PTBP2: variants seen among roughly 807,000 people sequenced by gnomAD.
The protein encoded by PTBP2 is polypyrimidine tract binding protein 2, also known as polypyrimidine tract-binding protein 2.
PTBP2 carries 13 observed loss-of-function variants against 61.4 expected under a neutral mutation model. That is an observed-to-expected ratio of 0.21 (90% confidence interval 0.14 to 0.34). PTBP2 has a LOEUF of 0.34. PTBP2 is among the 10% of genes least tolerant of loss of function. The probability of loss-of-function intolerance (pLI) is 1.00; values close to 1 mark genes in which losing one functional copy is unlikely to be tolerated. For synonymous variants in PTBP2, 215 were observed against 218.5 expected (o/e 0.98, Z 0.14); for missense variants, 405 against 642.6 (o/e 0.63, Z 4.00).
At chr1:96,781,154 T>C (rs1489932975) in intron 7 of PTBP2, among the ~76,000 whole-genome samples, 4 of 152,058 alleles carry the variant, frequency 2.6e-5, no homozygotes, top group African/African-American at 9.7e-5. Context: ...CAGAGTAGCC[T>C]GGGCTTCTGG....
At chr1:96,774,523 A>G (rs1319571401) in intron 5 of PTBP2, among the ~76,000 whole-genome samples, 1 of 152,196 alleles carries the variant, frequency 6.6e-6, no homozygotes, top group East Asian at 1.9e-4. Flanking sequence ...AGACATGCAA[A>G]TGAGTATGCA....
intron 2 of PTBP2, among the ~76,000 whole-genome samples, chr1:96,730,617 T>C (rs1418590336): frequency 1.3e-5 from 2 of 152,178 alleles, no homozygotes; most frequent in African/African-American, 4.8e-5. Context: ...CAAATATATA[T>C]GTTGTTAAGT....
chr1:96,756,198 A>C (rs1158471465), intron 3 of PTBP2, among the ~76,000 whole-genome samples: 4 of 152,228 alleles, frequency 2.6e-5, no homozygotes, highest in African/African-American at 9.6e-5. Flanking sequence ...CAGAAGTTCA[A>C]AACCAGCCTG....
At chr1:96,785,729 A>G (rs1240689622) in intron 8 of PTBP2, among the ~76,000 whole-genome samples, 1 of 152,148 alleles carries the variant, frequency 6.6e-6, no homozygotes, top group Non-Finnish European at 1.5e-5. Flanking sequence ...TTTTTTTTGA[A>G]GCATATTGTA....
At chr1:96,795,803 G>T (rs536078910) in intron 8 of PTBP2, among the ~76,000 whole-genome samples, 10 of 152,142 alleles carry the variant, frequency 6.6e-5, no homozygotes, top group African/African-American at 9.7e-5. Context: ...GGACCCAGTG[G>T]GGGGAGTGTT....
At chr1:96,746,547 A>T (rs1653789768) in intron 2 of PTBP2, among the ~76,000 whole-genome samples, 1 of 151,710 alleles carries the variant, frequency 6.6e-6, no homozygotes, top group African/African-American at 2.4e-5. Context: ...TTGTAGTTTT[A>T]AAAAATTGCT....
At chr1:96,737,649 G>A (rs1357690910) in intron 2 of PTBP2, among the ~76,000 whole-genome samples, 2 of 152,150 alleles carry the variant, frequency 1.3e-5, no homozygotes, top group Non-Finnish European at 2.9e-5. Flanking sequence ...GGAAAATTGG[G>A]ACATGTTGAG....
chr1:96,738,398 C>T (rs1044836097), intron 2 of PTBP2, among the ~76,000 whole-genome samples: 6 of 151,940 alleles, frequency 3.9e-5, no homozygotes, highest in East Asian at 1.9e-4. Flanking sequence ...CTCAGCCTCC[C>T]GAGTAGCTGG....
At chr1:96,732,764 C>T (rs948518682) in intron 2 of PTBP2, among the ~76,000 whole-genome samples, 19 of 151,992 alleles carry the variant, frequency 1.3e-4, no homozygotes, top group Admixed American at 2.6e-4. Flanking sequence ...GAGCAACAGG[C>T]GTTGAGAGAA....
At chr1:96,725,244 G>GA (rs933547278) in intron 2 of PTBP2, among the ~76,000 whole-genome samples, 4 of 151,432 alleles carry the variant, frequency 2.6e-5, no homozygotes, top group African/African-American at 9.7e-5. Context: ...GAGTAGACAG[G>GA]AAAAAACTGA....
downstream of PTBP2, chr1:96,816,059 C>T (rs1004869468): frequency 6.6e-6 from 1 of 152,110 alleles, no homozygotes; most frequent in African/African-American, 2.4e-5. Flanking sequence ...GAAACTAAGT[C>T]CTGAGCTGTG....
At chr1:96,759,723 A>T (rs1182145119) in intron 3 of PTBP2, among the ~76,000 whole-genome samples, 1 of 152,234 alleles carries the variant, frequency 6.6e-6, no homozygotes, top group African/African-American at 2.4e-5. Context: ...CATTGTTAAG[A>T]CATTGAAAAG....
intron 5 of PTBP2, among the ~76,000 whole-genome samples, chr1:96,772,888 G>A (rs370546005): frequency 4.0e-5 from 6 of 151,512 alleles, no homozygotes; most frequent in African/African-American, 1.2e-4. Context: ...TGAGGCGGGT[G>A]GATTACCTGA....
At chr1:96,742,210 C>T (rs1436332058) in intron 2 of PTBP2, among the ~76,000 whole-genome samples, 1 of 152,074 alleles carries the variant, frequency 6.6e-6, no homozygotes, top group Non-Finnish European at 1.5e-5. Flanking sequence ...TATAACATTT[C>T]TTTGAAGAAT....
At chr1:96,819,628 G>T (rs1662609094), downstream of PTBP2, 2 of 150,956 alleles carry the variant, frequency 1.3e-5, no homozygotes, top group African/African-American at 4.9e-5. Context: ...GTAATATTCA[G>T]GTGTTATGCT....
chr1:96,743,616 G>A (rs755655065), intron 2 of PTBP2, among the ~76,000 whole-genome samples: 1 of 152,028 alleles, frequency 6.6e-6, no homozygotes, highest in Non-Finnish European at 1.5e-5. Context: ...TTGGTCATAC[G>A]TAAGTACCTT....
At chr1:96,745,379 G>T (rs889274451) in intron 2 of PTBP2, among the ~76,000 whole-genome samples, 52 of 152,178 alleles carry the variant, frequency 3.4e-4, no homozygotes, top group Non-Finnish European at 5.7e-4. Flanking sequence ...AGCCAGGATG[G>T]TTTTGATCTC....
chr1:96,807,430 T>C (rs17526714), intron 11 of PTBP2, among the ~76,000 whole-genome samples: 3,915 of 152,336 alleles, frequency 0.026, 73 homozygotes, highest in South Asian at 0.071. Flanking sequence ...AAAGGCACTT[T>C]AGTCAGGTTA....
chr1:96,756,854 T>C (rs544021528), intron 3 of PTBP2, among the ~76,000 whole-genome samples: 2 of 152,294 alleles, frequency 1.3e-5, no homozygotes, highest in Non-Finnish European at 2.9e-5. Context: ...ACTATAATGA[T>C]AGATACATGT....
Sources: gnomAD v4.1 joint callset for allele counts (sites outside exome capture counted in the v4.1 genomes callset) on GRCh38, gnomAD v4.1.1 for gene constraint, MANE v1.5 for transcripts, NCBI Gene and HGNC (gene_info 2026-07-23, HGNC 2026-07-21) for gene names.